The following SMARCAL1 variants were observed in gnomAD, a reference collection of about 807,000 sequenced individuals.
SMARCAL1 encodes ATP-driven annealing helicase.
A neutral mutation model predicts 94.5 loss-of-function variants in SMARCAL1; 58 were observed. The ratio of observed to expected loss-of-function variants is 0.61; its 90% CI spans 0.50 to 0.76. SMARCAL1 has a LOEUF of 0.76. Ranked by LOEUF, SMARCAL1 falls within the 30% of genes least tolerant of loss-of-function variation. SMARCAL1 has a pLI of 0.00. For synonymous variants in SMARCAL1, 422 were observed against 455.1 expected (o/e 0.93, Z 0.93); for missense variants, 1,051 against 1,177.9 (o/e 0.89, Z 1.58).
intron 5 of SMARCAL1, 36 bp from the exon 6 acceptor site, chr2:216,423,597 G>GTGTC (rs1403350116): frequency 7.7e-6 from 12 of 1,557,238 alleles, no homozygotes; most frequent in Non-Finnish European, 1.1e-5. Context: ...GAAGGGCAGG[G>GTGTC]TGTCCTATTT....
At chr2:216,466,456 C>T (rs1694830900) in intron 13 of SMARCAL1, among the ~76,000 whole-genome samples, 1 of 152,196 alleles carries the variant, frequency 6.6e-6, no homozygotes, top group Non-Finnish European at 1.5e-5. Flanking sequence ...CAGAGTCACA[C>T]AGCTAGTAAG....
At chr2:216,426,568 A>G (rs1693838426) in intron 6 of SMARCAL1, among the ~76,000 whole-genome samples, 1 of 152,004 alleles carries the variant, frequency 6.6e-6, no homozygotes, top group South Asian at 2.1e-4. Flanking sequence ...TAAGACTGAG[A>G]AAAGGTTGGG....
intron 11 of SMARCAL1, 90 bp downstream of exon 11, chr2:216,447,248 G>T: frequency 1.4e-6 from 2 of 1,473,212 alleles, no homozygotes; most frequent in Non-Finnish European, 1.9e-6. Context: ...GCCATGATAT[G>T]GTCAGAAGAG....
rs886055614 is a variant in SMARCAL1, at chr2:216,412,574, C to T, written c.-170C>T. ...AACCGTCCACTCGGAAGACCGGTCCCGCTCGGGAGGCTCTGCAGTCGCGCC... is the reference window on the plus strand; with the variant it reads ...AACCGTCCACTCGGAAGACCGGTCCTGCTCGGGAGGCTCTGCAGTCGCGCC... On this transcript the variant is annotated 5_prime_UTR_variant, in exon 1 of 18. Transcript: ENST00000357276. The T allele has an allele frequency of 6.6e-6, 1 of 152,418 alleles. No homozygotes were observed. Among genetic ancestry groups the T allele is most frequent in the Admixed American group, 6.5e-5 (1 of 15,286 alleles). 9.4% of individuals were successfully genotyped at this position (152,418 alleles called of 1,614,324 possible).
At chr2:216,446,902 G>A (rs191231271) in intron 10 of SMARCAL1, 116 bp from the exon 11 acceptor site, 185 of 1,207,898 alleles carry the variant, frequency 1.5e-4, no homozygotes, top group Non-Finnish European at 2.0e-4. Flanking sequence ...AGGTTCTCGC[G>A]ACACGCACGC....
intron 7 of SMARCAL1, among the ~76,000 whole-genome samples, chr2:216,432,264 G>C (rs1244980012): frequency 3.3e-5 from 5 of 152,090 alleles, no homozygotes; most frequent in African/African-American, 1.2e-4. Context: ...AAAGTGCTGG[G>C]ATTACAGGCA....
In SMARCAL1 at chr2:216,412,629, C is replaced by G. The variant is rs921837054; in HGVS notation, c.-115C>G. On this transcript the variant is annotated 5_prime_UTR_variant, in exon 1 of 18. Transcript: ENST00000357276. ...GTCAGGGCCGGGGGCGAATGTGGCT[C>G]GCGTTCTAGGCCTCCCTGGGTGAGA... is the stretch of plus-strand genomic sequence containing the variant. 6.6e-6 allele frequency: 1 copy of G among 152,626 alleles called. No individual in the cohort carries two copies. The highest frequency in any genetic ancestry group is 2.4e-5 in the African/African-American group (1 of 41,462). 9.5% of individuals were successfully genotyped at this position (152,626 alleles called of 1,614,324 possible).
At chr2:216,463,341 G>T (rs1161837329) in intron 12 of SMARCAL1, among the ~76,000 whole-genome samples, 2 of 152,172 alleles carry the variant, frequency 1.3e-5, no homozygotes, top group Non-Finnish European at 2.9e-5. Flanking sequence ...GGTTTTAGGG[G>T]CTGGGAAGTT....
chr2:216,432,283 C>T (rs942224476), intron 7 of SMARCAL1, among the ~76,000 whole-genome samples: 8 of 152,128 alleles, frequency 5.3e-5, no homozygotes, highest in African/African-American at 1.7e-4. Flanking sequence ...CATGAGCCAC[C>T]GCGCCCGACC....
At chr2:216,455,746 G>T (rs1694550930) in intron 12 of SMARCAL1, among the ~76,000 whole-genome samples, 1 of 152,170 alleles carries the variant, frequency 6.6e-6, no homozygotes, top group African/African-American at 2.4e-5. Context: ...CACAAAGATG[G>T]GGAAAAAACA....
At chr2:216,468,109 G>C (rs1694869863) in intron 14 of SMARCAL1, 63 bp downstream of exon 14, 1 of 1,146,038 alleles carries the variant, frequency 8.7e-7, no homozygotes, top group African/African-American at 1.5e-5. Flanking sequence ...TTCTAAGCAG[G>C]CTTAGGTCAG....
intron 10 of SMARCAL1, among the ~76,000 whole-genome samples, chr2:216,445,661 A>G (rs562399292): frequency 1.9e-3 from 290 of 152,270 alleles, no homozygotes; most frequent in African/African-American, 6.6e-3. Context: ...GATGCTACCA[A>G]CGTCAGCTCA....
intron 12 of SMARCAL1, among the ~76,000 whole-genome samples, chr2:216,462,829 TA>T (rs146065376): frequency 0.44 from 63,482 of 143,754 alleles, 15,221 homozygotes; most frequent in African/African-American, 0.67. Flanking sequence ...CTACAAAAAA[TA>T]AAAAAAAAAA....
intron 10 of SMARCAL1, 28 bp from the exon 11 acceptor site, chr2:216,446,990 A>G: frequency 6.2e-7 from 1 of 1,613,850 alleles, no homozygotes; most frequent in Non-Finnish European, 8.5e-7. Flanking sequence ...CCCTGTGTTC[A>G]GAGCACCTTT....
intron 8 of SMARCAL1, among the ~76,000 whole-genome samples, chr2:216,433,346 A>G (rs1363992967): frequency 6.6e-6 from 1 of 152,034 alleles, no homozygotes; most frequent in Admixed American, 6.6e-5. Context: ...GGCCTCCCAA[A>G]GTGCTGGGAT....
intron 14 of SMARCAL1, among the ~76,000 whole-genome samples, chr2:216,474,529 C>T (rs1407235685): frequency 2.0e-5 from 3 of 149,104 alleles, no homozygotes; most frequent in East Asian, 4.0e-4. Context: ...CCGAGGCAGG[C>T]GGATCACCTG....
chr2:216,479,511 A>G (rs1048469455), intron 17 of SMARCAL1, among the ~76,000 whole-genome samples: 1 of 152,096 alleles, frequency 6.6e-6, no homozygotes, highest in Admixed American at 6.6e-5. Flanking sequence ...CCAAGACTTA[A>G]GACTCTGTGG....
At chr2:216,430,074 C>A (rs1693931663) in intron 7 of SMARCAL1, among the ~76,000 whole-genome samples, 1 of 152,128 alleles carries the variant, frequency 6.6e-6, no homozygotes, top group African/African-American at 2.4e-5. Flanking sequence ...ATCCTTGGGC[C>A]CACGTGTTGG....
Position 216,482,905 on chromosome 2 carries a change from G to A in SMARCAL1, c.2793G>A (p.Leu931=). The A allele has an allele frequency of 6.2e-7, 1 of 1,614,182 alleles. No homozygotes were observed. The highest frequency in any genetic ancestry group is 1.1e-5 in the South Asian group (1 of 91,084). ...NMGDTLDESS[L]TASPQKKRRF... is the part of the protein sequence containing the mutation. ...GAGACACCCTGGATGAAAGCTCATT[G>A]ACAGCCAGTCCACAGAAGAAAAGGA... Residue 931 remains leucine (L), a synonymous_variant, in exon 18 of 18, where the codon TTG becomes TTA. Coordinates refer to ENST00000357276, the MANE Select transcript of SMARCAL1 (RefSeq NM_014140.4). This position sits in a 1 kb window ranked among gnomAD's most constrained non-coding sequence, Gnocchi z 4.3.
Sources: allele counts gnomAD v4.1 joint callset (sites outside exome capture counted in the v4.1 genomes callset), GRCh38; gene constraint gnomAD v4.1.1; non-coding constraint Gnocchi (gnomAD v3.1); transcripts MANE v1.5; gene names NCBI Gene and HGNC (gene_info 2026-07-23, HGNC 2026-07-21).